The following RNFT2 variants were observed in gnomAD, a reference collection of about 807,000 sequenced individuals.
The protein encoded by RNFT2 is E3 ubiquitin-protein ligase RNFT2.
Under a neutral mutation model 53.0 loss-of-function variants are expected in RNFT2, and 36 were observed. That is an observed-to-expected ratio of 0.68 (90% CI 0.52 to 0.90). The LOEUF (loss-of-function observed/expected upper bound fraction) is 0.90, where lower values mean the gene tolerates loss of function less well. Ranked by LOEUF, RNFT2 falls within the 40% of genes least tolerant of loss-of-function variation. The pLI is 0.00. For synonymous variants in RNFT2, 260 were observed against 253.2 expected, an observed-to-expected ratio of 1.03 and a Z score of -0.26; for missense variants, 514 against 585.6, an observed-to-expected ratio of 0.88 and a Z score of 1.26.
chr12:116,775,405 C>G (rs1326915791), intron 6 of RNFT2, among the ~76,000 whole-genome samples: 1 of 152,178 alleles, frequency 6.6e-6, no homozygotes, highest in African/African-American at 2.4e-5. Context: ...ACCCATTTCA[C>G]AGGTGAGGAC....
chr12:116,840,895 A>G (rs965716285), intron 10 of RNFT2, among the ~76,000 whole-genome samples: 7 of 148,088 alleles, frequency 4.7e-5, no homozygotes, highest in Non-Finnish European at 1.0e-4. Flanking sequence ...GTGTGATTAA[A>G]GAGGATCTGA....
At chr12:116,844,224 TTTTG>T (rs1402609236) in intron 10 of RNFT2, among the ~76,000 whole-genome samples, 1 of 152,186 alleles carries the variant, frequency 6.6e-6, no homozygotes, top group African/African-American at 2.4e-5. Context: ...TGGGTTTTTT[TTTTG>T]TTTTGTTTCA....
At chr12:116,773,934 G>A (rs948076010) in intron 6 of RNFT2, among the ~76,000 whole-genome samples, 1 of 152,218 alleles carries the variant, frequency 6.6e-6, no homozygotes, top group African/African-American at 2.4e-5. Context: ...ACACCCTGCG[G>A]TATGTACATA....
Position 116,851,514 on chromosome 12 carries a change from G to C in RNFT2, c.*2066G>C. ...AGCATTTTGGGAGGCTGAAGCAGGC[G>C]GGTCACCTGAGGTCAAGAGTTCAAG... On this transcript the variant is annotated 3_prime_UTR_variant, in exon 11 of 11. Coordinates refer to ENST00000257575, the MANE Select transcript of RNFT2 (RefSeq NM_001382266.1). 2.0e-6 allele frequency: 1 copy of C among 507,348 alleles called. No homozygotes were observed. Among genetic ancestry groups the C allele is most frequent in the Non-Finnish European group, 3.5e-6 (1 of 282,476 alleles). The allele number at this position is 507,348 out of a possible 1,614,324, so 31.4% of individuals were successfully genotyped here. A position where few individuals can be genotyped will look rare whatever the true frequency, so the allele number is the denominator to read the frequency against.
At chr12:116,787,669 A>G (rs1873996880) in intron 7 of RNFT2, among the ~76,000 whole-genome samples, 2 of 151,886 alleles carry the variant, frequency 1.3e-5, no homozygotes, top group South Asian at 4.1e-4. Context: ...AGCCATGATC[A>G]TGTCACTACA....
rs544805754 is a variant in RNFT2 at position 116,834,874 on chromosome 12, G to A, written c.1032+933G>A. On this transcript the variant is annotated intron_variant, in intron 8 of 10. Coordinates refer to ENST00000257575, the MANE Select transcript of RNFT2 (RefSeq NM_001382266.1). ...CCTTTTTTTTTTTTTTTTTTAGACC[G>A]AGTCTCGCTCTGTTGCCCAGGCTGG... Among the ~76,000 whole-genome samples the A allele has an allele frequency of 6.6e-4, 93 of 140,264 alleles. 1 individual carries two copies. Among genetic ancestry groups the A allele is most frequent in the East Asian group, 2.7e-3 (13 of 4,850 alleles). 92.0% of individuals were successfully genotyped at this position (140,264 alleles called of 152,430 possible).
In RNFT2 at chr12:116,850,295, C is replaced by T. The variant is rs150990433; in HGVS notation, c.*847C>T. On this transcript the variant is annotated 3_prime_UTR_variant, in exon 11 of 11. Coordinates refer to ENST00000257575, the MANE Select transcript of RNFT2 (RefSeq NM_001382266.1). ...TCAGCCTCCCAAGTAGCTGGGACTACAGGTGTGTGCCACCAGGCCTGGCTA... is the reference window on the plus strand; with the variant it reads ...TCAGCCTCCCAAGTAGCTGGGACTATAGGTGTGTGCCACCAGGCCTGGCTA... 0.057 allele frequency: 8,610 copies of T among 150,924 alleles called. 347 individuals are homozygous for T. Among genetic ancestry groups the T allele is most frequent in the Non-Finnish European group, 0.086 (5,836 of 68,044 alleles). 9.3% of individuals were successfully genotyped at this position (150,924 alleles called of 1,614,324 possible). A position where few individuals can be genotyped will look rare whatever the true frequency, so the allele number is the denominator to read the frequency against.
At chr12:116,787,062 A>G (rs1024584786) in intron 7 of RNFT2, among the ~76,000 whole-genome samples, 1 of 152,236 alleles carries the variant, frequency 6.6e-6, no homozygotes, top group Non-Finnish European at 1.5e-5. Context: ...CTGCAAAGAC[A>G]TGATTATTTT....
intron 5 of RNFT2, among the ~76,000 whole-genome samples, chr12:116,754,405 G>C (rs954141082): frequency 6.6e-6 from 1 of 152,114 alleles, no homozygotes; most frequent in Non-Finnish European, 1.5e-5. Context: ...ATTTGGGTTG[G>C]TTCCACAATT....
At chr12:116,801,361 A>T (rs573555833) in intron 7 of RNFT2, 1 of 152,370 alleles carries the variant, frequency 6.6e-6, no homozygotes, top group South Asian at 2.1e-4. Flanking sequence ...GTTGCCAGGA[A>T]GATTCTAGAG....
intron 7 of RNFT2, among the ~76,000 whole-genome samples, chr12:116,827,028 T>A (rs913590380): frequency 5.9e-5 from 9 of 152,054 alleles, no homozygotes; most frequent in African/African-American, 2.2e-4. Context: ...GAGACCAGCC[T>A]GGGCAACATG....
At chr12:116,796,852 AG>A (rs1305355303) in intron 7 of RNFT2, among the ~76,000 whole-genome samples, 4 of 152,222 alleles carry the variant, frequency 2.6e-5, no homozygotes, top group Non-Finnish European at 4.4e-5. Flanking sequence ...AAGAACTTCG[AG>A]AAGAGCCAGC....
At chr12:116,750,867 A>G (rs77539387) in intron 4 of RNFT2, among the ~76,000 whole-genome samples, 100,793 of 104,904 alleles carry the variant, frequency 0.96, 48,375 homozygotes, top group East Asian at 0.98. Flanking sequence ...TATTATATAT[A>G]TATAATATAT....
At chr12:116,782,990 G>A (rs1486702564) in intron 7 of RNFT2, among the ~76,000 whole-genome samples, 5 of 152,148 alleles carry the variant, frequency 3.3e-5, no homozygotes, top group African/African-American at 7.2e-5. Flanking sequence ...CCCTCATGGC[G>A]AGAACAGAGT....
Position 116,794,676 on chromosome 12 carries a change from G to GAGGGAGGGAGGA in RNFT2, c.882+15339_882+15340insAAGGGAGGGAGG, listed in dbSNP as rs1300803398. ...GAAGGAAGGAAGGGAGGAAGGAAGG[G>GAGGGAGGGAGGA]AGGGAGGGAGGGAGGGAAGGGAAGG... On this transcript the variant is annotated intron_variant, in intron 7 of 10. Transcript: ENST00000257575. 1.6e-4 allele frequency among the ~76,000 whole-genome samples: 6 copies of GAGGGAGGGAGGA among 36,692 alleles called. 1 individual carries two copies. The highest frequency in any genetic ancestry group is 3.2e-4 in the African/African-American group (6 of 18,856). The allele number at this position is 36,692 out of a possible 152,430, so 24.1% of individuals were successfully genotyped here.
chr12:116,846,437 A>ATTTTTTTTTTTTTTTTTTTTTTTTTTT, intron 10 of RNFT2, among the ~76,000 whole-genome samples: 2 of 104,398 alleles, frequency 1.9e-5, no homozygotes, highest in Non-Finnish European at 3.7e-5. Flanking sequence ...TGCCCAGCTA[A>ATTTTTTTTTTTTTTTTTTTTTTTTTTT]TTTTTTTTTT....
intron 7 of RNFT2, among the ~76,000 whole-genome samples, chr12:116,825,005 A>G (rs1418759550): frequency 6.6e-6 from 1 of 152,164 alleles, no homozygotes; most frequent in Non-Finnish European, 1.5e-5. Context: ...GTCAGGACAC[A>G]CCGGGTACAG....
Position 116,849,326 on chromosome 12 carries a change from G to C in RNFT2, c.1213G>C (p.Glu405Gln). The change falls in exon 11 of 11, where the codon GAG becomes CAG. Residue 405 changes from glutamate (E) to glutamine (Q), a missense_variant. By Grantham distance (29) the Glu-to-Gln change is conservative (BLOSUM62 2). Around this residue, in one of 3 missense-constraint regions of RNFT2, gnomAD observed 273 missense variants for 334.4 expected, o/e 0.82. Coordinates refer to ENST00000257575, the MANE Select transcript of RNFT2 (RefSeq NM_001382266.1). Reference sequence around the variant, plus strand: ...GCTGTCCCCGCAGCACGTGTTCTGTGAGGAGTGCCTCTGCCTGTGGCTGGA... The same window carrying C: ...GCTGTCCCCGCAGCACGTGTTCTGTCAGGAGTGCCTCTGCCTGTGGCTGGA... The part of the protein sequence containing the change: ...LILLCQHVFC[E>Q]ECLCLWLDRE... 1 of 1,540,948 alleles carries C rather than the reference G, an allele frequency of 6.5e-7. No individual in the cohort carries two copies. The highest frequency in any genetic ancestry group is 1.2e-5 in the South Asian group (1 of 83,994).
At position 116,740,397 on chromosome 12, in the gene RNFT2, A is replaced by T. The variant is rs921269954; in HGVS notation, c.-101A>T. The T allele has an allele frequency of 4.2e-6, 5 of 1,183,062 alleles. No individual in the cohort carries two copies. The African/African-American group carries it at 6.1e-5, about 14-fold the overall frequency. 73.3% of individuals were successfully genotyped at this position (1,183,062 alleles called of 1,614,324 possible). A position where few individuals can be genotyped will look rare whatever the true frequency, so the allele number is the denominator to read the frequency against. On this transcript the variant is annotated 5_prime_UTR_variant, in exon 2 of 11. Transcript: ENST00000257575. The stretch of plus-strand genomic sequence containing the variant: ...ACTGTGCATCCCTCTGGAGACGAAG[A>T]GGAGGGGGAGGCCTGTCCTCTCTGG...
Sources: gnomAD v4.1 joint callset for allele counts (sites outside exome capture counted in the v4.1 genomes callset) on GRCh38, gnomAD v4.1.1 for gene constraint, gnomAD v4.1.1 regional missense constraint, MANE v1.5 for transcripts, NCBI Gene and HGNC (gene_info 2026-07-23, HGNC 2026-07-21) for gene names.